Variants in BEAN1 observed in about 807,000 individuals in gnomAD.
BEAN1 encodes brain expressed associated with NEDD4 1, also known as protein BEAN1.
A neutral mutation model predicts 17.7 loss-of-function variants in BEAN1; 17 were observed. The ratio of observed to expected loss-of-function variants is 0.96; its 90% confidence interval spans 0.66 to 1.44. The LOEUF is 1.44. Ranked by LOEUF, BEAN1 falls within the 40% of genes most tolerant of loss-of-function variation. BEAN1 has a pLI of 0.00. For synonymous variants in BEAN1, 142 were observed against 151.8 expected, an observed-to-expected ratio of 0.94 and a Z score of 0.47; for missense variants, 359 against 374.1, an observed-to-expected ratio of 0.96 and a Z score of 0.33.
chr16:66,445,610 C>T (rs765727104), intron 2 of BEAN1, among the ~76,000 whole-genome samples: 1 of 149,596 alleles, frequency 6.7e-6, no homozygotes, highest in Non-Finnish European at 1.5e-5. Context: ...ATACAGGTGT[C>T]TAGATGAAGA....
intron 2 of BEAN1, 54 bp downstream of exon 2, chr16:66,437,755 T>A (rs1962086711): frequency 1.3e-6 from 2 of 1,505,054 alleles, no homozygotes; most frequent in African/African-American, 1.4e-5. Flanking sequence ...AGGGCAGAGC[T>A]TGGAGTCGAG....
At chr16:66,441,133 C>G (rs1962239777) in intron 2 of BEAN1, among the ~76,000 whole-genome samples, 3 of 152,198 alleles carry the variant, frequency 2.0e-5, no homozygotes, top group Non-Finnish European at 4.4e-5. Flanking sequence ...TGCTGGGTTC[C>G]CAGTTCGCCC....
chr16:66,448,956 G>A (rs981097138), intron 2 of BEAN1, among the ~76,000 whole-genome samples: 1 of 152,200 alleles, frequency 6.6e-6, no homozygotes, highest in Non-Finnish European at 1.5e-5. Context: ...GCTTCAGTGA[G>A]CTACAATCTT....
At chr16:66,447,844 A>C (rs554793707) in intron 2 of BEAN1, among the ~76,000 whole-genome samples, 1 of 152,368 alleles carries the variant, frequency 6.6e-6, no homozygotes, top group South Asian at 2.1e-4. Flanking sequence ...GAATGGGACC[A>C]GGTCACACAG....
rs545814564 is a variant in BEAN1 at position 66,447,991 on chromosome 16, G to A, written c.25+10290G>A. 3.3e-5 allele frequency among the ~76,000 whole-genome samples: 5 copies of A among 152,268 alleles called. No homozygotes were observed. The South Asian group carries it at 8.3e-4, about 25-fold the overall frequency. ...AGATGCAGAGGAGAAGCCCTCTTTG[G>A]AAAGTAAAACTGTGACCCAAGGCAC... On this transcript the variant is annotated intron_variant, in intron 2 of 4. Coordinates refer to ENST00000536005, the MANE Select transcript of BEAN1 (RefSeq NM_001178020.3).
At chr16:66,487,626 G>C (rs967644587), downstream of BEAN1, among the ~76,000 whole-genome samples, 3 of 152,158 alleles carry the variant, frequency 2.0e-5, no homozygotes, top group African/African-American at 7.2e-5. Flanking sequence ...CTCAGGCTCA[G>C]CCCGCCAGAG....
At chr16:66,467,778 G>A (rs1373923241) in intron 2 of BEAN1, among the ~76,000 whole-genome samples, 1 of 152,182 alleles carries the variant, frequency 6.6e-6, no homozygotes, top group Non-Finnish European at 1.5e-5. Context: ...CAAAGGCTTG[G>A]CTCTCAAGAG....
intron 2 of BEAN1, among the ~76,000 whole-genome samples, chr16:66,450,082 T>G (rs139835245): frequency 6.6e-6 from 1 of 152,376 alleles, no homozygotes; most frequent in African/African-American, 2.4e-5. Context: ...TGAAGTTCAG[T>G]ATCTGACTTA....
At chr16:66,491,573 C>A (rs551044357) in intron 4 of BEAN1, among the ~76,000 whole-genome samples, 2 of 152,156 alleles carry the variant, frequency 1.3e-5, no homozygotes, top group African/African-American at 2.4e-5. Context: ...CTCCTAACCA[C>A]GAGACCAGCG....
chr16:66,480,897 C>G lies in BEAN1; in HGVS notation c.752C>G (p.Pro251Arg). ...SQGSPTPTRA[P>R]ASGPERIV ...GGCTCACCCACCCCAACCCGGGCCCCAGCCTCTGGCCCAGAGAGGATTGTG... is the reference window on the plus strand; with the variant it reads ...GGCTCACCCACCCCAACCCGGGCCCGAGCCTCTGGCCCAGAGAGGATTGTG... Residue 251 changes from proline (P) to arginine (R), a missense_variant, in exon 5 of 5, where the codon CCA becomes CGA. Physicochemically the swap from Pro to Arg is moderately radical, Grantham distance 103. Coordinates refer to ENST00000536005, the MANE Select transcript of BEAN1 (RefSeq NM_001178020.3). The G allele has an allele frequency of 6.8e-7, 1 of 1,464,714 alleles. No homozygotes were observed. Among genetic ancestry groups the G allele is most frequent in the Non-Finnish European group, 9.1e-7 (1 of 1,103,564 alleles). 90.7% of individuals were successfully genotyped at this position (1,464,714 alleles called of 1,614,324 possible).
At chr16:66,440,823 C>A (rs748408553) in intron 2 of BEAN1, among the ~76,000 whole-genome samples, 9 of 152,304 alleles carry the variant, frequency 5.9e-5, no homozygotes, top group Middle Eastern at 6.8e-3. Context: ...AAACTGAATT[C>A]TTTGTCTTCC....
chr16:66,481,466 G>A lies in BEAN1; in HGVS notation c.*541G>A. ...CCAGTGAGGTTCCGTTGTGCGCTGT[G>A]CCTATCTCTCGATTCCAGGGCAGAT... On this transcript the variant is annotated 3_prime_UTR_variant, in exon 5 of 5. Coordinates refer to ENST00000536005, the MANE Select transcript of BEAN1 (RefSeq NM_001178020.3). The surrounding 1 kb of genome is among the most constrained non-coding windows in gnomAD (Gnocchi z 4.1). 2.6e-6 allele frequency: 1 copy of A among 388,432 alleles called. No homozygotes were observed. The highest frequency in any genetic ancestry group is 4.5e-6 in the Non-Finnish European group (1 of 220,232). 24.1% of individuals were successfully genotyped at this position (388,432 alleles called of 1,614,324 possible).
At chr16:66,438,466 T>A (rs1962119551) in intron 2 of BEAN1, among the ~76,000 whole-genome samples, 1 of 152,044 alleles carries the variant, frequency 6.6e-6, no homozygotes, top group Non-Finnish European at 1.5e-5. Context: ...TCTCAAACAT[T>A]AACCACAAAG....
chr16:66,494,647 G>C (rs180909224), downstream of BEAN1, among the ~76,000 whole-genome samples: 2 of 152,128 alleles, frequency 1.3e-5, no homozygotes, highest in African/African-American at 2.4e-5. Context: ...TAGACAACTG[G>C]ATGTGTAGTA....
chr16:66,457,489 G>A (rs1962916098), intron 2 of BEAN1, among the ~76,000 whole-genome samples: 1 of 152,138 alleles, frequency 6.6e-6, no homozygotes, highest in Admixed American at 6.5e-5. Context: ...TTCTTGTAGA[G>A]ATGCATCCTC....
In BEAN1 at chr16:66,427,458, G is replaced by A. The variant is rs1961621382; in HGVS notation, c.-83+27G>A. The A allele has an allele frequency of 6.6e-6, 1 of 151,216 alleles. No homozygotes were observed. Among genetic ancestry groups the A allele is most frequent in the South Asian group, 2.1e-4 (1 of 4,828 alleles). 9.4% of individuals were successfully genotyped at this position (151,216 alleles called of 1,614,324 possible). A position where few individuals can be genotyped will look rare whatever the true frequency, so the allele number is the denominator to read the frequency against. On this transcript the variant is annotated intron_variant, in intron 1 of 4. Transcript: ENST00000536005. The surrounding 1 kb of genome is among the most constrained non-coding windows in gnomAD (Gnocchi z 4.7). ...TAAGGGGCGTGGGGCTGGGCGGCGC[G>A]GGGGAGGGGCGGGCGGGGGGTCCCG...
In BEAN1 at chr16:66,450,163, T is replaced by C. The variant is rs147635518; in HGVS notation, c.25+12462T>C. Among the ~76,000 whole-genome samples, 151 of 152,326 alleles carry C rather than the reference T, an allele frequency of 9.9e-4. 2 individuals are homozygous for C. The highest frequency in any genetic ancestry group is 2.1e-3 in the East Asian group (11 of 5,194). On this transcript the variant is annotated intron_variant, in intron 2 of 4. Transcript: ENST00000536005. ...AGCACATCCAGGGTTTCTCCTGCAG[T>C]GGGGCTTATTTTTCACTGTGCAAGA...
intron 2 of BEAN1, among the ~76,000 whole-genome samples, chr16:66,461,309 C>A (rs529471421): frequency 1.3e-4 from 20 of 152,282 alleles, no homozygotes; most frequent in Non-Finnish European, 2.4e-4. Context: ...TAAAGCAGCG[C>A]CTACCTCTGC....
chr16:66,459,561 T>A (rs917233607), intron 2 of BEAN1, among the ~76,000 whole-genome samples: 8 of 152,202 alleles, frequency 5.3e-5, no homozygotes, highest in African/African-American at 1.9e-4. Flanking sequence ...CCTCAGGTGG[T>A]CCACCCACCT....
Sources: gnomAD v4.1 joint callset for allele counts (sites outside exome capture counted in the v4.1 genomes callset) on GRCh38, gnomAD v4.1.1 for gene constraint, Gnocchi (gnomAD v3.1) non-coding constraint, MANE v1.5 for transcripts, NCBI Gene and HGNC (gene_info 2026-07-23, HGNC 2026-07-21) for gene names.